Variants in MYL4 observed in about 807,000 individuals in gnomAD.
MYL4 encodes the protein myosin light chain 4.
MYL4 carries 16 observed loss-of-function variants against 21.6 expected under a neutral mutation model. The observed-to-expected ratio is 0.74, with a 90% confidence interval of 0.50 to 1.12. The LOEUF (loss-of-function observed/expected upper bound fraction) is 1.12. Among genes scored for constraint, MYL4 ranks in the 50% most tolerant of loss-of-function variants. The pLI is 0.00. For missense variants in MYL4, 249 were observed against 252.9 expected, an observed-to-expected ratio of 0.98 and a Z score of 0.11; for synonymous variants, 82 against 95.7, an observed-to-expected ratio of 0.86 and a Z score of 0.83.
chr17:47,214,591 T>C (rs1313263422), intron 2 of MYL4, among the ~76,000 whole-genome samples: 1 of 152,194 alleles, frequency 6.6e-6, no homozygotes, highest in African/African-American at 2.4e-5. Context: ...TATTTGCACA[T>C]GGTAAAACAA....
the MYL4 span, among the ~76,000 whole-genome samples, chr17:47,192,354 C>CA: frequency 1.8e-3 from 142 of 78,514 alleles, 1 homozygote; most frequent in East Asian, 3.3e-3. Context: ...AACTCCGTCT[C>CA]AAAAAAAAAA....
intron 1 of MYL4, among the ~76,000 whole-genome samples, chr17:47,210,288 C>G (rs79041875): frequency 0.021 from 3,164 of 152,228 alleles, 92 homozygotes; most frequent in East Asian, 0.16. Flanking sequence ...CAAAACATTC[C>G]TCTCCCTGGA....
chr17:47,199,459 T>A (rs2064701563), upstream of MYL4, among the ~76,000 whole-genome samples: 1 of 152,134 alleles, frequency 6.6e-6, no homozygotes, highest in Non-Finnish European at 1.5e-5. Context: ...GTACTGGGAT[T>A]ATAGGCATGA....
chr17:47,205,298 A>G (rs1396064429), upstream of MYL4, among the ~76,000 whole-genome samples: 12 of 152,170 alleles, frequency 7.9e-5, no homozygotes. Flanking sequence ...GCCAGTACCC[A>G]CTGCCATACT....
intron 3 of MYL4, among the ~76,000 whole-genome samples, chr17:47,221,182 T>G (rs1288210751): frequency 6.6e-6 from 1 of 152,206 alleles, no homozygotes; most frequent in Admixed American, 6.5e-5. Flanking sequence ...ATAAGAATTA[T>G]TGATTCAGAG....
At chr17:47,221,951 C>A in intron 4 of MYL4, 96 bp downstream of exon 4, 1 of 1,377,850 alleles carries the variant, frequency 7.3e-7, no homozygotes, top group Non-Finnish European at 9.9e-7. Context: ...GGGTGGTATA[C>A]AAGGGTCTTT....
chr17:47,222,542 G>T, intron 5 of MYL4, 85 bp downstream of exon 5: 1 of 1,324,174 alleles, frequency 7.6e-7, no homozygotes. Context: ...GGAGCTGGAG[G>T]GTATGTGTCT....
At chr17:47,193,189 T>G in the MYL4 span, among the ~76,000 whole-genome samples, 1 of 145,872 alleles carries the variant, frequency 6.9e-6, no homozygotes, top group Non-Finnish European at 1.5e-5. Flanking sequence ...CCTCACCATG[T>G]TTACTCTTTG....
intron 1 of MYL4, 170 bp downstream of exon 1, chr17:47,209,727 G>A (rs2064759018): frequency 1.0e-6 from 1 of 956,368 alleles, no homozygotes; most frequent in South Asian, 1.4e-5. Context: ...GGCTGATGAG[G>A]GGGAGATTGA....
intron 2 of MYL4, 133 bp downstream of exon 2, chr17:47,213,959 T>G (rs189118811): frequency 2.8e-6 from 3 of 1,065,652 alleles, no homozygotes; most frequent in Non-Finnish European, 1.5e-6. Context: ...AAACCTATAT[T>G]GAGCATCTAC....
chr17:47,203,490 T>C (rs2064716721), intron 1 of MYL4, among the ~76,000 whole-genome samples: 1 of 152,192 alleles, frequency 6.6e-6, no homozygotes, highest in East Asian at 1.9e-4. Context: ...CTGCTTGTTT[T>C]TTAAAAATAT....
upstream of MYL4, among the ~76,000 whole-genome samples, chr17:47,199,287 A>G: frequency 7.0e-6 from 1 of 143,310 alleles, no homozygotes; most frequent in African/African-American, 2.6e-5. Flanking sequence ...GGAGAGATAG[A>G]GCAAGACTTT....
downstream of MYL4, among the ~76,000 whole-genome samples, chr17:47,224,080 C>T (rs1008987717): frequency 6.6e-6 from 1 of 152,180 alleles, no homozygotes; most frequent in African/African-American, 2.4e-5. Flanking sequence ...AATTTACCAT[C>T]TTAACCATTT....
downstream of MYL4, among the ~76,000 whole-genome samples, chr17:47,225,449 A>G (rs1308492217): frequency 6.6e-6 from 1 of 152,228 alleles, no homozygotes; most frequent in Non-Finnish European, 1.5e-5. Context: ...ATGAAACTGA[A>G]GAGAACAGAG....
intron 4 of MYL4, 126 bp downstream of exon 4, chr17:47,221,981 C>A: frequency 9.3e-7 from 1 of 1,080,000 alleles, no homozygotes; most frequent in Non-Finnish European, 1.3e-6. Flanking sequence ...GGATAATGAC[C>A]TGATCCAGGC....
chr17:47,193,948 G>A, the MYL4 span, among the ~76,000 whole-genome samples: 1 of 152,144 alleles, frequency 6.6e-6, no homozygotes, highest in African/African-American at 2.4e-5. Flanking sequence ...TAGAGATGGG[G>A]TTTCGCCATG....
At chr17:47,209,742 T>C (rs2064759242) in intron 1 of MYL4, 185 bp downstream of exon 1, 1 of 829,636 alleles carries the variant, frequency 1.2e-6, no homozygotes, top group Non-Finnish European at 1.9e-6. Flanking sequence ...GATTGAGTCA[T>C]AAACCTTTTC....
At chr17:47,197,511 G>A (rs544697777), upstream of MYL4, among the ~76,000 whole-genome samples, 3 of 152,250 alleles carry the variant, frequency 2.0e-5, no homozygotes, top group East Asian at 1.9e-4. Flanking sequence ...TGACTAGGGC[G>A]CCTAGGGCTG....
the MYL4 span, among the ~76,000 whole-genome samples, chr17:47,193,953 G>A: frequency 3.7e-4 from 57 of 152,138 alleles, no homozygotes; most frequent in East Asian, 9.7e-4. Flanking sequence ...ATGGGGTTTC[G>A]CCATGTTGGC....
Sources: gnomAD v4.1 joint callset for allele counts (sites outside exome capture counted in the v4.1 genomes callset) on GRCh38, gnomAD v4.1.1 for gene constraint, MANE v1.5 for transcripts, NCBI Gene and HGNC (gene_info 2026-07-23, HGNC 2026-07-21) for gene names.